The following USH2A variants were observed in gnomAD, a reference collection of about 807,000 sequenced individuals.
USH2A encodes the protein usherin, also known as Usher syndrome 2A (autosomal recessive, mild).
USH2A carries 443 observed loss-of-function variants against 538.9 expected under a neutral mutation model. The ratio of observed to expected loss-of-function variants is 0.82; its 90% CI spans 0.76 to 0.89. The LOEUF (loss-of-function observed/expected upper bound fraction) is 0.89. USH2A is among the 40% of genes least tolerant of loss of function. The pLI, the probability that USH2A is intolerant of heterozygous loss-of-function variation, is 0.00. For missense variants in USH2A, 6,633 were observed against 6,324.8 expected, an observed-to-expected ratio of 1.05 and a Z score of -1.65; for synonymous variants, 2,413 against 2,273.5, an observed-to-expected ratio of 1.06 and a Z score of -1.75.
intron 11 of USH2A, among the ~76,000 whole-genome samples, chr1:216,286,649 C>T (rs2036891550): frequency 6.6e-6 from 1 of 152,046 alleles, no homozygotes; most frequent in African/African-American, 2.4e-5. Context: ...GCTTGAACCC[C>T]AGAGGTGGAG....
At chr1:215,914,753 A>G (rs1414842010) in intron 38 of USH2A, among the ~76,000 whole-genome samples, 1 of 152,128 alleles carries the variant, frequency 6.6e-6, no homozygotes, top group Non-Finnish European at 1.5e-5. Flanking sequence ...CAGGGAATGC[A>G]CGCCATCTGC....
chr1:216,379,710 C>A (rs1310503611), intron 3 of USH2A, among the ~76,000 whole-genome samples: 6 of 152,138 alleles, frequency 3.9e-5, no homozygotes, highest in Admixed American at 3.9e-4. Flanking sequence ...CCATCTGAAT[C>A]CAACCATTAC....
At chr1:216,023,731 A>G (rs1246361218) in intron 32 of USH2A, among the ~76,000 whole-genome samples, 3 of 152,068 alleles carry the variant, frequency 2.0e-5, no homozygotes, top group Non-Finnish European at 2.9e-5. Flanking sequence ...TCATTTAAAA[A>G]CAGTACCTGG....
intron 41 of USH2A, among the ~76,000 whole-genome samples, chr1:215,885,285 G>A (rs977608084): frequency 1.3e-5 from 2 of 151,448 alleles, no homozygotes; most frequent in Admixed American, 6.6e-5. Flanking sequence ...TATGTTGATA[G>A]ATTTTTTGAT....
At chr1:216,183,881 C>T (rs991639179) in intron 20 of USH2A, among the ~76,000 whole-genome samples, 17 of 151,980 alleles carry the variant, frequency 1.1e-4, no homozygotes, top group Non-Finnish European at 2.2e-4. Context: ...AAAAGTATTG[C>T]TTTGAACCGA....
At chr1:216,291,289 C>T (rs2036996641) in intron 10 of USH2A, among the ~76,000 whole-genome samples, 1 of 152,156 alleles carries the variant, frequency 6.6e-6, no homozygotes, top group Admixed American at 6.6e-5. Flanking sequence ...CTCCTCTAGG[C>T]CACTGCACAA....
At chr1:216,254,312 T>C (rs1357991153) in intron 11 of USH2A, among the ~76,000 whole-genome samples, 1 of 152,134 alleles carries the variant, frequency 6.6e-6, no homozygotes, top group African/African-American at 2.4e-5. Flanking sequence ...TCCACAGTTG[T>C]AGATTCTACC....
intron 11 of USH2A, among the ~76,000 whole-genome samples, chr1:216,259,751 T>C (rs553607832): frequency 8.5e-5 from 13 of 152,258 alleles, no homozygotes; most frequent in African/African-American, 2.9e-4. Flanking sequence ...TTTACTAAAA[T>C]ATAAAATTTT....
chr1:215,867,198 A>G (rs1283122487), intron 43 of USH2A, 28 bp from the exon 44 acceptor site: 6 of 1,609,382 alleles, frequency 3.7e-6, no homozygotes, highest in South Asian at 1.1e-5. Flanking sequence ...TAAAAAAAGT[A>G]TATGAATTTC....
intron 22 of USH2A, among the ~76,000 whole-genome samples, chr1:216,093,044 T>G (rs746331365): frequency 1.6e-4 from 25 of 152,018 alleles, no homozygotes; most frequent in Non-Finnish European, 2.9e-4. Context: ...CGGCTCACTG[T>G]AACCTCTGCC....
chr1:215,756,468 C>T (rs1286918404), intron 58 of USH2A, among the ~76,000 whole-genome samples: 2 of 152,144 alleles, frequency 1.3e-5, no homozygotes, highest in African/African-American at 4.8e-5. Context: ...CCTGAAATTT[C>T]CCGTATTGCT....
intron 11 of USH2A, among the ~76,000 whole-genome samples, chr1:216,269,231 G>A (rs954324897): frequency 1.3e-5 from 2 of 152,054 alleles, no homozygotes; most frequent in East Asian, 1.9e-4. Context: ...AATCATGGGA[G>A]CAGGTCTTTC....
intron 37 of USH2A, among the ~76,000 whole-genome samples, chr1:215,962,140 G>A (rs1667218398): frequency 6.6e-6 from 1 of 151,900 alleles, no homozygotes; most frequent in Non-Finnish European, 1.5e-5. Context: ...ATATCGAATT[G>A]GCAAAGATAA....
chr1:215,839,168 C>T lies in USH2A; in HGVS notation c.9259-1065G>A, dbSNP rs914610001. ...GTGGATATTTAAACACTATCAAGGG[C>T]CTACATTCTGAGCATGTCCAATTAA... On this transcript the variant is annotated intron_variant, in intron 46 of 71. Transcript: ENST00000307340. 2.0e-5 allele frequency among the ~76,000 whole-genome samples: 3 copies of T among 152,126 alleles called. No homozygotes were observed. The East Asian group carries it at 5.8e-4, about 29-fold the overall frequency.
intron 64 of USH2A, among the ~76,000 whole-genome samples, chr1:215,668,051 G>T (rs1657689568): frequency 6.6e-6 from 1 of 152,154 alleles, no homozygotes; most frequent in Non-Finnish European, 1.5e-5. Context: ...AGTTTCTCAG[G>T]TCTTTGTTTT....
intron 55 of USH2A, among the ~76,000 whole-genome samples, chr1:215,772,006 C>A (rs1661305572): frequency 6.6e-6 from 1 of 152,158 alleles, no homozygotes; most frequent in Non-Finnish European, 1.5e-5. Context: ...AAGAAAGCAT[C>A]AACTACCATC....
At chr1:216,056,219 C>T (rs2030970327) in intron 30 of USH2A, among the ~76,000 whole-genome samples, 1 of 152,190 alleles carries the variant, frequency 6.6e-6, no homozygotes, top group African/African-American at 2.4e-5. Context: ...TGTGTTAACT[C>T]TTTACCTTAC....
chr1:216,055,940 C>T (rs1206258524), intron 30 of USH2A, among the ~76,000 whole-genome samples: 1 of 152,156 alleles, frequency 6.6e-6, no homozygotes. Flanking sequence ...CATAGAATAT[C>T]ATATACCTAT....
intron 20 of USH2A, among the ~76,000 whole-genome samples, chr1:216,181,934 A>G (rs1420248490): frequency 6.6e-6 from 1 of 152,116 alleles, no homozygotes; most frequent in Non-Finnish European, 1.5e-5. Flanking sequence ...GATATATAGA[A>G]TAGAAGTCTG....
Sources: gnomAD v4.1 joint callset for allele counts (sites outside exome capture counted in the v4.1 genomes callset) on GRCh38, gnomAD v4.1.1 for gene constraint, MANE v1.5 for transcripts, NCBI Gene and HGNC (gene_info 2026-07-23, HGNC 2026-07-21) for gene names.